The following GRK5 variants were observed in gnomAD, a reference collection of about 807,000 sequenced individuals.
The protein encoded by GRK5 is g protein-coupled receptor kinase GRK5.
GRK5 carries 40 observed loss-of-function variants against 78.4 expected under a neutral mutation model. That is an observed-to-expected ratio of 0.51 (90% CI 0.40 to 0.66). The LOEUF is 0.66. GRK5 is among the 30% of genes least tolerant of loss of function. The probability of loss-of-function intolerance (pLI) is 0.00; values close to 1 mark genes in which losing one functional copy is unlikely to be tolerated. For synonymous variants in GRK5, 289 were observed against 296.8 expected (o/e 0.97, Z 0.27); for missense variants, 598 against 759.9 (o/e 0.79, Z 2.50).
Position 119,436,682 on chromosome 10 carries a change from A to T in GRK5, c.770A>T (p.Asp257Val). The T allele has an allele frequency of 3.1e-6, 5 of 1,614,216 alleles. No homozygotes were observed. Among genetic ancestry groups the T allele is most frequent in the Admixed American group, 1.7e-5 (1 of 60,032 alleles). The change falls in exon 9 of 16, where the codon GAT becomes GTT. Residue 257 changes from aspartate to valine, a missense_variant. Transcript: ENST00000392870. ...VNLAYAYETKDALCLVLTIMN... is the reference protein window; with the variant it reads ...VNLAYAYETKVALCLVLTIMN... ...CTGGCCTATGCCTACGAGACCAAGGATGCACTGTGCTTGGTCCTGACCATC... is the reference window on the plus strand; with the variant it reads ...CTGGCCTATGCCTACGAGACCAAGGTTGCACTGTGCTTGGTCCTGACCATC...
intron 1 of GRK5, among the ~76,000 whole-genome samples, chr10:119,259,022 G>T (rs1034690982): frequency 6.6e-6 from 1 of 151,872 alleles, no homozygotes; most frequent in East Asian, 1.9e-4. Flanking sequence ...AGGTGATAGC[G>T]GTTCCTTCCA....
chr10:119,279,171 C>T (rs919293843), intron 1 of GRK5, among the ~76,000 whole-genome samples: 9 of 152,206 alleles, frequency 5.9e-5, no homozygotes, highest in Non-Finnish European at 1.2e-4. Flanking sequence ...TGAGCCACTG[C>T]GCCTGGCCCC....
intron 1 of GRK5, among the ~76,000 whole-genome samples, chr10:119,324,870 A>AGCCTCACCACGGCAGGTGCC (rs370866155): frequency 7.3e-4 from 112 of 152,384 alleles, no homozygotes; most frequent in African/African-American, 2.5e-3. Flanking sequence ...GTACAGGTGG[A>AGCCTCACCACGGCAGGTGCC]GCCTCACCAC....
chr10:119,360,783 C>T (rs2133809261), intron 2 of GRK5, among the ~76,000 whole-genome samples: 1 of 152,306 alleles, frequency 6.6e-6, no homozygotes, highest in South Asian at 2.1e-4. Context: ...CGGCCCGGGG[C>T]CCTTTGCTCT....
intron 1 of GRK5, 72 bp from the exon 2 acceptor site, chr10:119,326,444 T>G: frequency 8.0e-7 from 1 of 1,251,972 alleles, no homozygotes; most frequent in Non-Finnish European, 1.2e-6. Context: ...AGGAGGCTGG[T>G]GGGCAGGCTC....
chr10:119,402,009 A>G (rs1216001263), intron 4 of GRK5, among the ~76,000 whole-genome samples: 2 of 152,170 alleles, frequency 1.3e-5, no homozygotes, highest in Admixed American at 6.5e-5. Context: ...TGGCCCCACC[A>G]TCTGGAGTGT....
At chr10:119,374,621 T>G (rs1269856020) in intron 2 of GRK5, among the ~76,000 whole-genome samples, 1 of 152,222 alleles carries the variant, frequency 6.6e-6, no homozygotes, top group Non-Finnish European at 1.5e-5. Flanking sequence ...TGCATGTGTC[T>G]TAGCATGTGG....
intron 1 of GRK5, among the ~76,000 whole-genome samples, chr10:119,227,388 G>A (rs1025656274): frequency 1.3e-5 from 2 of 152,104 alleles, no homozygotes; most frequent in African/African-American, 4.8e-5. Flanking sequence ...GCAATATGGC[G>A]AAACTCCATC....
intron 3 of GRK5, among the ~76,000 whole-genome samples, chr10:119,390,868 C>T (rs1413550647): frequency 6.6e-6 from 1 of 152,096 alleles, no homozygotes; most frequent in African/African-American, 2.4e-5. Flanking sequence ...GGTGGGGACA[C>T]AGCTAAACCA....
chr10:119,408,341 CA>C lies in GRK5; in HGVS notation c.339+11591del, dbSNP rs67973033. Reference sequence around the variant, plus strand: ...TGGGTGACAGAGCAAAACCCTGTCTCAAAAAAAAAAAAAAAAAAAAAAGGCA... The same window carrying C: ...TGGGTGACAGAGCAAAACCCTGTCTCAAAAAAAAAAAAAAAAAAAAAGGCA... On this transcript the variant is annotated intron_variant, in intron 4 of 15. Transcript: ENST00000392870. Among the ~76,000 whole-genome samples, 143 of 48,694 alleles carry C rather than the reference CA, an allele frequency of 2.9e-3. 1 individual carries two copies. The highest frequency in any genetic ancestry group is 4.1e-3 in the South Asian group (4 of 964). The allele number at this position is 48,694 out of a possible 152,430, so 31.9% of individuals were successfully genotyped here. A position where few individuals can be genotyped will look rare whatever the true frequency, so the allele number is the denominator to read the frequency against.
At position 119,455,022 on chromosome 10, in the gene GRK5, C is replaced by T; in HGVS notation, c.1728C>T (p.His576=). The part of the protein sequence containing the change: ...SPSSKTSFNH[H]INSNHVSSNS... ...GCTCCAAGACCAGTTTTAACCACCA[C>T]ATAAACTCAAACCATGTCAGCTCGA... The change falls in exon 16 of 16, where the codon CAC becomes CAT. Residue 576 remains histidine (H), a synonymous_variant. Transcript: ENST00000392870. The T allele has an allele frequency of 1.2e-6, 2 of 1,614,192 alleles. No individual in the cohort carries two copies. The highest frequency in any genetic ancestry group is 8.5e-7 in the Non-Finnish European group (1 of 1,180,016).
At chr10:119,363,790 G>C (rs1297556731) in intron 2 of GRK5, among the ~76,000 whole-genome samples, 1 of 152,202 alleles carries the variant, frequency 6.6e-6, no homozygotes, top group Non-Finnish European at 1.5e-5. Context: ...CATTCCATTG[G>C]TCAAAATTTG....
intron 3 of GRK5, among the ~76,000 whole-genome samples, chr10:119,388,427 C>T (rs906655078): frequency 2.2e-4 from 34 of 152,242 alleles, no homozygotes; most frequent in African/African-American, 8.0e-4. Context: ...ACCTCCACCT[C>T]CTGGGTTCAA....
intron 1 of GRK5, 98 bp downstream of exon 1, chr10:119,208,067 C>A: frequency 8.7e-7 from 1 of 1,153,974 alleles, no homozygotes; most frequent in Non-Finnish European, 1.2e-6. Flanking sequence ...GTGCAGGATG[C>A]CCGCTGCCGG....
At chr10:119,354,911 T>C (rs931196903) in intron 2 of GRK5, among the ~76,000 whole-genome samples, 4 of 152,218 alleles carry the variant, frequency 2.6e-5, no homozygotes, top group African/African-American at 9.6e-5. Flanking sequence ...TGAGAATGCA[T>C]GGATTTTGGT....
At chr10:119,242,993 C>A (rs926934546) in intron 1 of GRK5, among the ~76,000 whole-genome samples, 2 of 152,178 alleles carry the variant, frequency 1.3e-5, no homozygotes, top group Non-Finnish European at 2.9e-5. Flanking sequence ...AATCCCAGCA[C>A]TTTGGGAGGG....
At chr10:119,295,936 GA>G (rs1850072672) in intron 1 of GRK5, among the ~76,000 whole-genome samples, 1 of 151,946 alleles carries the variant, frequency 6.6e-6, no homozygotes, top group African/African-American at 2.4e-5. Flanking sequence ...TAACTTATGG[GA>G]AAAATATTTT....
At chr10:119,421,368 C>T (rs7076464) in intron 4 of GRK5, among the ~76,000 whole-genome samples, 51,927 of 151,862 alleles carry the variant, frequency 0.34, 9,628 homozygotes, top group East Asian at 0.57. Flanking sequence ...CAGTTGTCGA[C>T]TCCCAAATCT....
rs1240467994 is a variant in GRK5, at chr10:119,209,480, GT to G, written c.52+1512del. 1.1e-3 allele frequency among the ~76,000 whole-genome samples: 147 copies of G among 133,804 alleles called. 1 individual carries two copies. The highest frequency in any genetic ancestry group is 3.4e-3 in the African/African-American group (122 of 35,530). The allele number at this position is 133,804 out of a possible 152,430, so 87.8% of individuals were successfully genotyped here. A position where few individuals can be genotyped will look rare whatever the true frequency, so the allele number is the denominator to read the frequency against. On this transcript the variant is annotated intron_variant, in intron 1 of 15. Transcript: ENST00000392870. ...GTTCTAAGGCCTGAGCTGTGTGTGT[GT>G]GTGTGGTTTTTTTTTTTTTTTTTTT...
Sources: allele counts gnomAD v4.1 joint callset (sites outside exome capture counted in the v4.1 genomes callset), GRCh38; gene constraint gnomAD v4.1.1; transcripts MANE v1.5; gene names NCBI Gene and HGNC (gene_info 2026-07-23, HGNC 2026-07-21).